TINAG: variants seen among roughly 807,000 people sequenced by gnomAD.
TINAG encodes tubulointerstitial nephritis antigen.
TINAG carries 83 observed loss-of-function variants against 72.7 expected under a neutral mutation model. The ratio of observed to expected loss-of-function variants is 1.14; its 90% confidence interval spans 0.96 to 1.37. TINAG has a LOEUF of 1.37. Among genes scored for constraint, TINAG ranks in the 40% most tolerant of loss-of-function variants. The pLI, the probability that TINAG is intolerant of heterozygous loss-of-function variation, is 0.00. For missense variants in TINAG, 685 were observed against 576.6 expected (o/e 1.19, Z -1.93); for synonymous variants, 234 against 189.9 (o/e 1.23, Z -1.91).
intron 10 of TINAG, among the ~76,000 whole-genome samples, chr6:54,380,790 A>G (rs1763923201): frequency 1.3e-5 from 2 of 151,784 alleles, no homozygotes; most frequent in Non-Finnish European, 2.9e-5. Context: ...AAGAAAAATC[A>G]GTGTTTATTT....
chr6:54,347,616 A>G (rs1345442704), intron 6 of TINAG, 99 bp downstream of exon 6: 3 of 1,188,692 alleles, frequency 2.5e-6, no homozygotes, highest in African/African-American at 1.5e-5. Flanking sequence ...AAAAGTACTT[A>G]AAAATATATA....
intron 3 of TINAG, among the ~76,000 whole-genome samples, chr6:54,324,488 A>G (rs917299955): frequency 5.9e-5 from 9 of 152,162 alleles, no homozygotes; most frequent in African/African-American, 1.9e-4. Flanking sequence ...ACCACTTTCT[A>G]TTGGGTAAAG....
At chr6:54,320,496 C>A in intron 1 of TINAG, 83 bp from the exon 2 acceptor site, 2 of 1,152,538 alleles carry the variant, frequency 1.7e-6, no homozygotes, top group Non-Finnish European at 2.5e-6. Flanking sequence ...GAAAAGCTAA[C>A]TATGATTTTT....
At chr6:54,342,979 C>T (rs1785034280) in intron 4 of TINAG, among the ~76,000 whole-genome samples, 1 of 152,092 alleles carries the variant, frequency 6.6e-6, no homozygotes, top group African/African-American at 2.4e-5. Context: ...TTGCACTGTG[C>T]AGTAACCCAG....
At chr6:54,322,631 A>C (rs1489127759) in intron 3 of TINAG, among the ~76,000 whole-genome samples, 2 of 152,188 alleles carry the variant, frequency 1.3e-5, no homozygotes, top group Admixed American at 6.5e-5. Flanking sequence ...GGGGACACTA[A>C]ATTTCAATGT....
At chr6:54,347,024 A>G (rs1160009981) in intron 5 of TINAG, among the ~76,000 whole-genome samples, 1 of 152,118 alleles carries the variant, frequency 6.6e-6, no homozygotes, top group East Asian at 1.9e-4. Context: ...CAGGAAATAG[A>G]AATATAAGGA....
At chr6:54,332,507 T>TA (rs1323304108) in intron 4 of TINAG, among the ~76,000 whole-genome samples, 1 of 151,960 alleles carries the variant, frequency 6.6e-6, no homozygotes, top group African/African-American at 2.4e-5. Flanking sequence ...CCTAAAACCA[T>TA]AAAAACCCTA....
chr6:54,369,850 A>G (rs562200525), intron 9 of TINAG: 1 of 152,196 alleles, frequency 6.6e-6, no homozygotes, highest in South Asian at 2.1e-4. Context: ...ATAAATTAAT[A>G]CTACCCCAAA....
At chr6:54,318,550 T>C (rs886734645) in intron 1 of TINAG, among the ~76,000 whole-genome samples, 3 of 152,160 alleles carry the variant, frequency 2.0e-5, no homozygotes, top group Admixed American at 2.0e-4. Flanking sequence ...ACCTCCACCC[T>C]AGTCAGCTCA....
intron 9 of TINAG, among the ~76,000 whole-genome samples, chr6:54,361,291 AAG>A (rs1229899059): frequency 1.1e-4 from 16 of 151,670 alleles, no homozygotes; most frequent in Non-Finnish European, 1.8e-4. Flanking sequence ...CACTGCTATA[AAG>A]AACTACCTGA....
chr6:54,386,551 TCA>T (rs1764104709), intron 10 of TINAG, among the ~76,000 whole-genome samples: 1 of 152,120 alleles, frequency 6.6e-6, no homozygotes, highest in Non-Finnish European at 1.5e-5. Flanking sequence ...TGTGGCTCCC[TCA>T]CACAGAGTTT....
At chr6:54,325,280 T>C (rs947432962) in intron 3 of TINAG, among the ~76,000 whole-genome samples, 1 of 152,258 alleles carries the variant, frequency 6.6e-6, no homozygotes, top group African/African-American at 2.4e-5. Flanking sequence ...TCTTAAGGTA[T>C]GAGCTTCTTA....
chr6:54,323,573 CTTAT>C (rs1784539590), intron 3 of TINAG, among the ~76,000 whole-genome samples: 1 of 152,114 alleles, frequency 6.6e-6, no homozygotes. Flanking sequence ...TACTTCAGTG[CTTAT>C]TTATTCTCTG....
chr6:54,320,685 GTA>G, intron 2 of TINAG, 43 bp downstream of exon 2: 1 of 1,464,404 alleles, frequency 6.8e-7, no homozygotes, highest in South Asian at 1.3e-5. Flanking sequence ...TACTGTGTGT[GTA>G]TGTTTTCTTC....
At chr6:54,350,705 T>C (rs75733009) in intron 7 of TINAG, among the ~76,000 whole-genome samples, 1,874 of 149,596 alleles carry the variant, frequency 0.013, 48 homozygotes, top group African/African-American at 0.044. Context: ...ATCTTCTCTG[T>C]GACGTTTTCC....
At chr6:54,341,531 G>C (rs1422099830) in intron 4 of TINAG, among the ~76,000 whole-genome samples, 1 of 151,894 alleles carries the variant, frequency 6.6e-6, no homozygotes, top group African/African-American at 2.4e-5. Flanking sequence ...TTGTCAGGTG[G>C]TAATAGTTTT....
At chr6:54,319,465 T>G (rs764943293) in intron 1 of TINAG, among the ~76,000 whole-genome samples, 9 of 152,146 alleles carry the variant, frequency 5.9e-5, no homozygotes, top group Non-Finnish European at 1.0e-4. Flanking sequence ...TCTTATCCCA[T>G]GATTGTGACG....
At chr6:54,381,552 C>T (rs1168900546) in intron 10 of TINAG, among the ~76,000 whole-genome samples, 2 of 151,838 alleles carry the variant, frequency 1.3e-5, no homozygotes, top group East Asian at 3.9e-4. Context: ...GTGTTCGTAC[C>T]TTATATTTGT....
intron 3 of TINAG, among the ~76,000 whole-genome samples, chr6:54,322,336 A>C (rs569489247): frequency 6.6e-6 from 1 of 151,268 alleles, no homozygotes. Flanking sequence ...AAACAAACAA[A>C]AAAAAAACAA....
Sources: allele counts gnomAD v4.1 joint callset (sites outside exome capture counted in the v4.1 genomes callset), GRCh38; gene constraint gnomAD v4.1.1; transcripts MANE v1.5; gene names NCBI Gene and HGNC (gene_info 2026-07-23, HGNC 2026-07-21).